Variants in SERGEF observed in about 807,000 individuals in gnomAD.
SERGEF encodes secretion-regulating guanine nucleotide exchange factor.
Under a neutral mutation model 50.0 loss-of-function variants are expected in SERGEF, and 51 were observed. That is an observed-to-expected ratio of 1.02 (90% CI 0.81 to 1.29). The LOEUF is 1.29. SERGEF is among the 50% of genes most tolerant of loss of function. The probability of loss-of-function intolerance (pLI) is 0.00; values close to 1 mark genes in which losing one functional copy is unlikely to be tolerated. For synonymous variants in SERGEF, 205 were observed against 212.4 expected (o/e 0.97, Z 0.30); for missense variants, 521 against 557.0 (o/e 0.94, Z 0.65).
chr11:17,955,525 G>A (rs1318945821), intron 9 of SERGEF, among the ~76,000 whole-genome samples: 4 of 152,200 alleles, frequency 2.6e-5, no homozygotes, highest in Admixed American at 1.3e-4. Flanking sequence ...GGTGGGGATG[G>A]TGGGCAAGAA....
intron 4 of SERGEF, among the ~76,000 whole-genome samples, chr11:18,002,400 C>T (rs571606694): frequency 6.6e-6 from 1 of 152,264 alleles, no homozygotes; most frequent in East Asian, 1.9e-4. Context: ...CCATTCCCAC[C>T]CACTCTACCC....
At chr11:17,810,453 G>A (rs2079227) in intron 10 of SERGEF, among the ~76,000 whole-genome samples, 58,865 of 152,104 alleles carry the variant, frequency 0.39, 13,402 homozygotes, top group East Asian at 0.72. Context: ...CCTACACTGA[G>A]CTATAGTTAA....
At chr11:17,849,829 C>T (rs1267550851) in intron 10 of SERGEF, among the ~76,000 whole-genome samples, 1 of 152,186 alleles carries the variant, frequency 6.6e-6, no homozygotes, top group Non-Finnish European at 1.5e-5. Context: ...AGGATTTAAA[C>T]TCAAGTATGT....
intron 4 of SERGEF, chr11:18,002,052 T>C (rs764739966): frequency 1.3e-5 from 6 of 456,098 alleles, no homozygotes; most frequent in South Asian, 3.1e-5. Flanking sequence ...TTCTGGAAAC[T>C]ATACTTCTGT....
chr11:17,912,157 T>G (rs1182858696), intron 9 of SERGEF, among the ~76,000 whole-genome samples: 1 of 151,880 alleles, frequency 6.6e-6, no homozygotes, highest in African/African-American at 2.4e-5. Flanking sequence ...ACATACAGTA[T>G]AGAAGAGAAG....
chr11:17,961,623 C>T lies in SERGEF; in HGVS notation c.845-1987G>A, dbSNP rs148293223. 5.4e-3 allele frequency among the ~76,000 whole-genome samples: 820 copies of T among 152,284 alleles called. 7 individuals are homozygous for T. The highest frequency in any genetic ancestry group is 0.034 in the Middle Eastern group (10 of 294). On this transcript the variant is annotated intron_variant, in intron 8 of 10. Coordinates refer to ENST00000265965, the MANE Select transcript of SERGEF (RefSeq NM_012139.4). The stretch of plus-strand genomic sequence containing the variant: ...GAATATGGTGCCACCATTATTATAT[C>T]CCCAATAGCAATTCAGCCATTCCAC...
intron 9 of SERGEF, among the ~76,000 whole-genome samples, chr11:17,921,951 G>C (rs1852164579): frequency 6.6e-6 from 1 of 152,172 alleles, no homozygotes; most frequent in Non-Finnish European, 1.5e-5. Context: ...GGAAGTGGCT[G>C]AGCTTGCCTT....
chr11:17,859,475 A>G (rs1047701746), intron 10 of SERGEF, among the ~76,000 whole-genome samples: 7 of 152,168 alleles, frequency 4.6e-5, no homozygotes, highest in African/African-American at 1.4e-4. Flanking sequence ...TATACATTCA[A>G]TAGAAGTCCC....
intron 9 of SERGEF, among the ~76,000 whole-genome samples, chr11:17,948,111 G>A (rs1852702667): frequency 6.6e-6 from 1 of 151,896 alleles, no homozygotes. Context: ...TGTGTTTTTT[G>A]TAGAGACAGG....
chr11:17,896,691 GGGGAAGGGTAA>G (rs1394170766), intron 9 of SERGEF, among the ~76,000 whole-genome samples: 638 of 59,548 alleles, frequency 0.011, 17 homozygotes, highest in Middle Eastern at 0.032. Context: ...GGAAGGGAAA[GGGGAAGGGTAA>G]GGGAAGGGTA....
At chr11:17,926,251 T>C (rs1852245910) in intron 9 of SERGEF, among the ~76,000 whole-genome samples, 1 of 152,012 alleles carries the variant, frequency 6.6e-6, no homozygotes, top group Non-Finnish European at 1.5e-5. Flanking sequence ...TAAGAGGCCC[T>C]GAGACATGTT....
intron 9 of SERGEF, among the ~76,000 whole-genome samples, chr11:17,941,616 G>A (rs926210212): frequency 7.2e-5 from 11 of 152,122 alleles, no homozygotes; most frequent in South Asian, 4.1e-4. Flanking sequence ...ATATCTTCAC[G>A]ATTCTGCTTT....
rs1554999450 is a variant in SERGEF at position 17,830,649 on chromosome 11, G to GAGAGAGAGAGAGA, written c.1049-42237_1049-42236insTCTCTCTCTCTCT. 5.0e-3 allele frequency among the ~76,000 whole-genome samples: 389 copies of GAGAGAGAGAGAGA among 77,744 alleles called. 64 individuals are homozygous for GAGAGAGAGAGAGA. The highest frequency in any genetic ancestry group is 0.02 in the African/African-American group (349 of 17,334). The allele number at this position is 77,744 out of a possible 152,430, so 51.0% of individuals were successfully genotyped here. A position where few individuals can be genotyped will look rare whatever the true frequency, so the allele number is the denominator to read the frequency against. On this transcript the variant is annotated intron_variant, in intron 10 of 10. Coordinates refer to ENST00000265965, the MANE Select transcript of SERGEF (RefSeq NM_012139.4). ...GAGGGAAAGGGGGAGGGAGAGGGAG[G>GAGAGAGAGAGAGA]GAGAGAGAGAGAGAGAGAGAGAGAG...
intron 9 of SERGEF, among the ~76,000 whole-genome samples, chr11:17,925,487 G>A (rs1037616075): frequency 6.6e-6 from 1 of 152,138 alleles, no homozygotes; most frequent in East Asian, 1.9e-4. Context: ...GACCATACAT[G>A]ACCACTTCTG....
chr11:18,012,520 C>T lies in SERGEF; in HGVS notation c.60+431G>A. The T allele has an allele frequency of 3.6e-6, 4 of 1,118,476 alleles. No individual in the cohort carries two copies. The South Asian group carries it at 7.8e-5, about 22-fold the overall frequency. The allele number at this position is 1,118,476 out of a possible 1,614,324, so 69.3% of individuals were successfully genotyped here. A position where few individuals can be genotyped will look rare whatever the true frequency, so the allele number is the denominator to read the frequency against. The stretch of plus-strand genomic sequence containing the variant: ...GCCTCACATCTAAAGGATGCTTTCG[C>T]CAGGCTGGGACAGGGTCTCCCTCCT... On this transcript the variant is annotated intron_variant, in intron 1 of 10. Transcript: ENST00000265965.
intron 10 of SERGEF, among the ~76,000 whole-genome samples, chr11:17,860,514 C>A (rs1482951374): frequency 6.6e-6 from 1 of 151,978 alleles, no homozygotes; most frequent in African/African-American, 2.4e-5. Flanking sequence ...GAGATAGACA[C>A]CCCAAAATAA....
chr11:18,012,550 G>A (rs1854218198), intron 1 of SERGEF: 1 of 1,144,762 alleles, frequency 8.7e-7, no homozygotes, highest in Admixed American at 4.7e-5. Context: ...CCTCCTCCAG[G>A]CATCAGGAGT....
At chr11:17,872,489 T>C (rs1337946797) in intron 10 of SERGEF, among the ~76,000 whole-genome samples, 2 of 152,354 alleles carry the variant, frequency 1.3e-5, no homozygotes, top group East Asian at 3.9e-4. Context: ...TTTCTTAATA[T>C]ATCCTATTAA....
At chr11:17,913,535 T>C (rs1300140753) in intron 9 of SERGEF, among the ~76,000 whole-genome samples, 3 of 152,174 alleles carry the variant, frequency 2.0e-5, no homozygotes, top group African/African-American at 7.2e-5. Flanking sequence ...TGTAAGATAA[T>C]AGAAACCTAT....
Sources: allele counts gnomAD v4.1 joint callset (sites outside exome capture counted in the v4.1 genomes callset), GRCh38; gene constraint gnomAD v4.1.1; transcripts MANE v1.5; gene names NCBI Gene and HGNC (gene_info 2026-07-23, HGNC 2026-07-21).